DIP2B: variants seen among roughly 807,000 people sequenced by gnomAD.
DIP2B encodes the protein DIP2 acetate--CoA ligase B (putative), also known as disco-interacting protein 2 homolog B.
A neutral mutation model predicts 198.0 loss-of-function variants in DIP2B; 76 were observed. The ratio of observed to expected loss-of-function variants is 0.38; its 90% CI spans 0.32 to 0.46. The LOEUF (loss-of-function observed/expected upper bound fraction) is 0.46, where lower values mean the gene tolerates loss of function less well. Among genes scored for constraint, DIP2B ranks in the 20% least tolerant of loss-of-function variants. DIP2B has a pLI of 0.99. For missense variants in DIP2B, 1,559 were observed against 1,978.4 expected (o/e 0.79, Z 4.02); for synonymous variants, 701 against 739.1 (o/e 0.95, Z 0.84).
chr12:50,539,358 T>C (rs1958299015), intron 1 of DIP2B, among the ~76,000 whole-genome samples: 2 of 151,456 alleles, frequency 1.3e-5, no homozygotes, highest in African/African-American at 2.4e-5. Context: ...CCGGGTGTGG[T>C]GTAATACCAG....
intron 12 of DIP2B, among the ~76,000 whole-genome samples, chr12:50,687,485 A>G (rs780691785): frequency 1.3e-5 from 2 of 152,196 alleles, no homozygotes; most frequent in African/African-American, 4.8e-5. Flanking sequence ...CTGGGGGAAA[A>G]TCATCTAGCC....
chr12:50,671,582 A>G (rs2139524364), intron 5 of DIP2B, among the ~76,000 whole-genome samples, 184 bp downstream of exon 5: 1 of 152,352 alleles, frequency 6.6e-6, no homozygotes, highest in Non-Finnish European at 1.5e-5. Context: ...GGAATAATAG[A>G]TAACACCTGC....
At chr12:50,636,255 T>G (rs527599805) in intron 2 of DIP2B, among the ~76,000 whole-genome samples, 1 of 152,194 alleles carries the variant, frequency 6.6e-6, no homozygotes, top group Non-Finnish European at 1.5e-5. Context: ...TATGTATGCA[T>G]AGGGTTTGAG....
At chr12:50,679,021 G>GT in intron 8 of DIP2B, 145 bp downstream of exon 8, 2 of 932,278 alleles carry the variant, frequency 2.1e-6, no homozygotes, top group Non-Finnish European at 3.1e-6. Flanking sequence ...TAAGCTCTAA[G>GT]TAAAGCTATT....
chr12:50,623,862 C>T (rs894128278), intron 1 of DIP2B, among the ~76,000 whole-genome samples: 1 of 152,088 alleles, frequency 6.6e-6, no homozygotes, highest in African/African-American at 2.4e-5. Context: ...ACCTCTATCC[C>T]CTAGATGCCA....
intron 4 of DIP2B, among the ~76,000 whole-genome samples, chr12:50,663,844 T>A (rs2731440): frequency 0.28 from 38,708 of 137,384 alleles, 5,953 homozygotes; most frequent in Non-Finnish European, 0.35. Flanking sequence ...TACTCCAACC[T>A]GGGAGACAGA....
intron 17 of DIP2B, 81 bp from the exon 18 acceptor site, chr12:50,698,246 GA>G: frequency 6.7e-7 from 1 of 1,499,960 alleles, no homozygotes; most frequent in South Asian, 1.4e-5. Flanking sequence ...ATTGTAGCCA[GA>G]GGAAATTTGT....
chr12:50,741,538 T>C lies in DIP2B; in HGVS notation c.4477T>C (p.Cys1493Arg), dbSNP rs1286104549. 1.2e-6 allele frequency: 2 copies of C among 1,612,842 alleles called. No individual in the cohort carries two copies. Among genetic ancestry groups the C allele is most frequent in the East Asian group, 4.5e-5 (2 of 44,880 alleles). ...CCGGATCCACAGAAGCATTGCTGAA[T>C]GGTAACTCCCTCAGCATACACTGTG... is the stretch of plus-strand genomic sequence containing the variant. Reference protein sequence around the residue: ...VSRIHRSIAECAVFTWTNLLV... With the variant: ...VSRIHRSIAERAVFTWTNLLV... Residue 1493 changes from cysteine (C) to arginine (R), a missense_variant and splice_region_variant, in exon 37 of 38, where the codon TGT (cysteine) becomes CGT (arginine). Cys to Arg is a radical substitution (Grantham distance 180). Transcript: ENST00000301180.
At chr12:50,731,836 T>C (rs1377449297) in intron 31 of DIP2B, among the ~76,000 whole-genome samples, 2 of 152,318 alleles carry the variant, frequency 1.3e-5, no homozygotes, top group Middle Eastern at 6.8e-3. Flanking sequence ...TCCAATACTT[T>C]TTTTTCCTAA....
At chr12:50,694,797 A>G (rs1161245249) in intron 14 of DIP2B, among the ~76,000 whole-genome samples, 1 of 152,060 alleles carries the variant, frequency 6.6e-6, no homozygotes, top group African/African-American at 2.4e-5. Context: ...ATTGTCATTA[A>G]TAGGGAAATG....
chr12:50,519,048 C>T (rs916634915), intron 1 of DIP2B, among the ~76,000 whole-genome samples: 3 of 151,902 alleles, frequency 2.0e-5, no homozygotes, highest in African/African-American at 7.3e-5. Flanking sequence ...CTGGCCACAG[C>T]TTCTGCGTTT....
intron 20 of DIP2B, 111 bp from the exon 21 acceptor site, chr12:50,706,427 T>G (rs1592136480): frequency 1.3e-4 from 162 of 1,284,280 alleles, no homozygotes; most frequent in African/African-American, 1.5e-5. Context: ...AATATGGCAG[T>G]TGTGTTTTTA....
intron 12 of DIP2B, among the ~76,000 whole-genome samples, chr12:50,690,707 T>C (rs1379904708): frequency 6.6e-6 from 1 of 152,252 alleles, no homozygotes; most frequent in Non-Finnish European, 1.5e-5. Flanking sequence ...CCTTTCACTC[T>C]GCAGTGCTGT....
At chr12:50,698,917 T>G in intron 18 of DIP2B, 149 bp from the exon 19 acceptor site, 4 of 825,222 alleles carry the variant, frequency 4.8e-6, no homozygotes, top group Non-Finnish European at 7.5e-6. Context: ...CTATGTAGTT[T>G]CAGGTTTATG....
chr12:50,616,794 TATC>T (rs1434716830), intron 1 of DIP2B, among the ~76,000 whole-genome samples: 3 of 152,210 alleles, frequency 2.0e-5, no homozygotes, highest in East Asian at 3.8e-4. Context: ...TGGATGGAAT[TATC>T]ATTATGAAGA....
intron 1 of DIP2B, among the ~76,000 whole-genome samples, chr12:50,538,003 A>T (rs1218250696): frequency 6.6e-6 from 1 of 152,182 alleles, no homozygotes; most frequent in Non-Finnish European, 1.5e-5. Context: ...GGAATAAAGA[A>T]CAAGGATGGA....
Position 50,601,446 on chromosome 12 carries a change from G to A in DIP2B, c.101-24530G>A, listed in dbSNP as rs552435972. Reference sequence around the variant, plus strand: ...TGCAAGCTCCGCCTCCCAGGTTCACGCCATTCTCCTGCCTCAGCCTCCTGA... The same window carrying A: ...TGCAAGCTCCGCCTCCCAGGTTCACACCATTCTCCTGCCTCAGCCTCCTGA... On this transcript the variant is annotated intron_variant, in intron 1 of 37. Transcript: ENST00000301180. 2.0e-3 allele frequency among the ~76,000 whole-genome samples: 310 copies of A among 151,730 alleles called. 1 individual carries two copies. The highest frequency in any genetic ancestry group is 6.6e-3 in the African/African-American group (274 of 41,350).
chr12:50,739,561 G>T lies in DIP2B; in HGVS notation c.4329G>T (p.Arg1443=). ...ARTGYLGFVR[R]TELTAATGER... The stretch of plus-strand genomic sequence containing the variant: ...CAGGATACCTTGGTTTTGTCCGCCG[G>T]ACCGAGCTCACAGCGGCCACTGGAG... The change falls in exon 36 of 38, where the codon CGG becomes CGT. Residue 1443 remains arginine (R), a synonymous_variant. Transcript: ENST00000301180. 1 of 1,613,952 alleles carries T rather than the reference G, an allele frequency of 6.2e-7. No homozygotes were observed. Among genetic ancestry groups the T allele is most frequent in the South Asian group, 1.1e-5 (1 of 91,056 alleles).
chr12:50,559,825 A>G (rs1460738196), intron 1 of DIP2B, among the ~76,000 whole-genome samples: 1 of 152,148 alleles, frequency 6.6e-6, no homozygotes, highest in Non-Finnish European at 1.5e-5. Flanking sequence ...GAATACAAAG[A>G]TATTTAAAAT....
Sources: allele counts gnomAD v4.1 joint callset (sites outside exome capture counted in the v4.1 genomes callset), GRCh38; gene constraint gnomAD v4.1.1; transcripts MANE v1.5; gene names NCBI Gene and HGNC (gene_info 2026-07-23, HGNC 2026-07-21).